The following TBC1D5 variants were observed in gnomAD, a reference collection of about 807,000 sequenced individuals.
The protein encoded by TBC1D5 is TBC1 domain family, member 5.
Under a neutral mutation model 100.3 loss-of-function variants are expected in TBC1D5, and 75 were observed. The ratio of observed to expected loss-of-function variants is 0.75; its 90% CI spans 0.62 to 0.91. TBC1D5 has a LOEUF of 0.91. TBC1D5 is among the 40% of genes least tolerant of loss of function. The probability of loss-of-function intolerance (pLI) is 0.00; values close to 1 mark genes in which losing one functional copy is unlikely to be tolerated. For synonymous variants in TBC1D5, 323 were observed against 325.6 expected (o/e 0.99, Z 0.09); for missense variants, 910 against 942.4 (o/e 0.97, Z 0.45).
intron 17 of TBC1D5, among the ~76,000 whole-genome samples, chr3:17,227,919 C>T (rs1436086766): frequency 6.7e-5 from 10 of 149,708 alleles, no homozygotes. Flanking sequence ...TAGTTTCCCT[C>T]TTGATCATCC....
At chr3:17,537,816 C>T (rs2096298406) in intron 2 of TBC1D5, among the ~76,000 whole-genome samples, 1 of 152,174 alleles carries the variant, frequency 6.6e-6, no homozygotes, top group Non-Finnish European at 1.5e-5. Flanking sequence ...TATTGATAAA[C>T]ACTTGGTTTG....
intron 13 of TBC1D5, among the ~76,000 whole-genome samples, chr3:17,324,688 A>AT (rs1196570452): frequency 6.6e-6 from 1 of 152,142 alleles, no homozygotes; most frequent in East Asian, 1.9e-4. Flanking sequence ...TTAGGAGAAA[A>AT]TATTTACAAA....
chr3:17,286,121 TAA>T (rs1369715848), intron 15 of TBC1D5, among the ~76,000 whole-genome samples: 1 of 152,316 alleles, frequency 6.6e-6, no homozygotes, highest in East Asian at 1.9e-4. Context: ...TCATTTATAA[TAA>T]GTCTTTATGA....
At chr3:17,261,492 G>A (rs528664392) in intron 15 of TBC1D5, among the ~76,000 whole-genome samples, 2 of 151,230 alleles carry the variant, frequency 1.3e-5, no homozygotes, top group South Asian at 2.1e-4. Context: ...GGTGGGGGGG[G>A]AGACAGGGTC....
chr3:17,655,875 C>G (rs751355812), intron 1 of TBC1D5, among the ~76,000 whole-genome samples: 1 of 152,198 alleles, frequency 6.6e-6, no homozygotes, highest in Admixed American at 6.5e-5. Context: ...TAAAGAACCA[C>G]GTATTCTCAC....
At chr3:17,532,932 C>T (rs542006334) in intron 2 of TBC1D5, among the ~76,000 whole-genome samples, 10 of 151,906 alleles carry the variant, frequency 6.6e-5, no homozygotes, top group African/African-American at 1.9e-4. Flanking sequence ...CACATGTATA[C>T]ATATGTAACA....
chr3:17,168,007 C>CA (rs2066811479), intron 19 of TBC1D5, among the ~76,000 whole-genome samples, 179 bp from the exon 21 acceptor site: 1 of 152,176 alleles, frequency 6.6e-6, no homozygotes, highest in South Asian at 2.1e-4. Flanking sequence ...GAGAGGGCAG[C>CA]ACTGGGCCTG....
At chr3:17,656,732 T>C (rs2153731693) in intron 1 of TBC1D5, among the ~76,000 whole-genome samples, 1 of 152,322 alleles carries the variant, frequency 6.6e-6, no homozygotes, top group African/African-American at 2.4e-5. Flanking sequence ...TAATATGAGC[T>C]GAACTGTGTG....
intron 2 of TBC1D5, among the ~76,000 whole-genome samples, chr3:17,623,357 A>T (rs2062827933): frequency 6.6e-6 from 1 of 152,158 alleles, no homozygotes; most frequent in Admixed American, 6.5e-5. Context: ...ACTCATATCC[A>T]ATGGCTATGT....
intron 8 of TBC1D5, among the ~76,000 whole-genome samples, chr3:17,393,077 T>C (rs541488735): frequency 2.6e-5 from 4 of 152,032 alleles, no homozygotes; most frequent in Non-Finnish European, 4.4e-5. Flanking sequence ...TATCTCACTG[T>C]GGTTTTGATT....
At chr3:17,495,523 A>T (rs2095695070) in intron 3 of TBC1D5, among the ~76,000 whole-genome samples, 1 of 152,236 alleles carries the variant, frequency 6.6e-6, no homozygotes, top group African/African-American at 2.4e-5. Flanking sequence ...GATCTTATTA[A>T]TTATGACTTG....
At chr3:17,531,468 G>T (rs1336176027) in intron 2 of TBC1D5, among the ~76,000 whole-genome samples, 1 of 152,134 alleles carries the variant, frequency 6.6e-6, no homozygotes, top group Non-Finnish European at 1.5e-5. Flanking sequence ...TTTCTTCACA[G>T]AATTGGAAAA....
At chr3:17,536,734 C>A (rs369438816) in intron 2 of TBC1D5, among the ~76,000 whole-genome samples, 2 of 152,118 alleles carry the variant, frequency 1.3e-5, no homozygotes, top group African/African-American at 2.4e-5. Flanking sequence ...AAGGTATACA[C>A]TGATTTACCC....
At chr3:17,314,302 T>C (rs1364485341) in intron 13 of TBC1D5, among the ~76,000 whole-genome samples, 1 of 152,164 alleles carries the variant, frequency 6.6e-6, no homozygotes, top group East Asian at 1.9e-4. Flanking sequence ...TGACCACAGA[T>C]GATCTTGATC....
chr3:17,563,983 C>A (rs960406238), intron 2 of TBC1D5, among the ~76,000 whole-genome samples: 5 of 151,934 alleles, frequency 3.3e-5, no homozygotes, highest in African/African-American at 1.2e-4. Context: ...GGGGTTTCAC[C>A]GTGTTAGCCA....
chr3:17,165,549 T>C (rs1179457496), intron 21 of TBC1D5, among the ~76,000 whole-genome samples: 2 of 152,192 alleles, frequency 1.3e-5, no homozygotes, highest in South Asian at 2.1e-4. Context: ...CATGAACATT[T>C]CATATGGCTT....
chr3:17,211,790 CA>C (rs1408403549), intron 18 of TBC1D5, among the ~76,000 whole-genome samples: 2 of 152,120 alleles, frequency 1.3e-5, no homozygotes, highest in Admixed American at 1.3e-4. Context: ...GTTGTCCTTG[CA>C]GTGGAATTTT....
chr3:17,680,915 T>C (rs945227342), intron 1 of TBC1D5, among the ~76,000 whole-genome samples: 2 of 151,414 alleles, frequency 1.3e-5, no homozygotes, highest in East Asian at 1.9e-4. Context: ...ACATGGGAGG[T>C]AGGCAGAAAG....
intron 1 of TBC1D5, among the ~76,000 whole-genome samples, chr3:17,716,864 T>C (rs940365210): frequency 2.0e-5 from 3 of 147,232 alleles, no homozygotes; most frequent in Admixed American, 2.0e-4. Flanking sequence ...ATCTGAGTGT[T>C]TGTTCTTGAT....
Sources: gnomAD v4.1 joint callset for allele counts (sites outside exome capture counted in the v4.1 genomes callset) on GRCh38, gnomAD v4.1.1 for gene constraint, MANE v1.5 for transcripts, NCBI Gene and HGNC (gene_info 2026-07-23, HGNC 2026-07-21) for gene names.